BCL2A1: variants seen among roughly 807,000 people sequenced by gnomAD.
The protein encoded by BCL2A1 is bcl-2-related protein A1.
A neutral mutation model predicts 14.4 loss-of-function variants in BCL2A1; 10 were observed. The observed-to-expected ratio is 0.69, with a 90% CI of 0.43 to 1.18. The LOEUF (loss-of-function observed/expected upper bound fraction) is 1.18. Ranked by LOEUF, BCL2A1 falls within the 50% of genes most tolerant of loss-of-function variation. BCL2A1 has a pLI of 0.00. For missense variants in BCL2A1, 158 were observed against 205.0 expected (o/e 0.77, Z 1.40); for synonymous variants, 71 against 76.5 (o/e 0.93, Z 0.38).
chr15:79,968,387 C>T (rs1197894750), intron 1 of BCL2A1, among the ~76,000 whole-genome samples: 1 of 152,124 alleles, frequency 6.6e-6, no homozygotes, highest in Non-Finnish European at 1.5e-5. Context: ...CGGAAGAAAA[C>T]ATGACAAAAC....
chr15:79,963,196 G>A (rs912174924), intron 1 of BCL2A1, among the ~76,000 whole-genome samples: 2 of 151,902 alleles, frequency 1.3e-5, no homozygotes, highest in Admixed American at 1.3e-4. Flanking sequence ...CACCATGTTG[G>A]CCAGGATAGT....
At chr15:79,965,313 G>C (rs1030802001) in intron 1 of BCL2A1, among the ~76,000 whole-genome samples, 1 of 152,010 alleles carries the variant, frequency 6.6e-6, no homozygotes, top group African/African-American at 2.4e-5. Flanking sequence ...ATTTTTAGTA[G>C]AGACGGGGTT....
Position 79,960,961 on chromosome 15 carries a change from A to G in BCL2A1, c.*106T>C, listed in dbSNP as rs1249645076. ...TTCCATAACTCTGGAAGGTCAAGTT[A>G]CATCATCAAAGTTGTTTATTTAAAA... On this transcript the variant is annotated 3_prime_UTR_variant, in exon 2 of 2. Coordinates refer to ENST00000267953, the MANE Select transcript of BCL2A1 (RefSeq NM_004049.4). 1 of 1,539,804 alleles carries G rather than the reference A, an allele frequency of 6.5e-7. No individual in the cohort carries two copies. Among genetic ancestry groups the G allele is most frequent in the Non-Finnish European group, 8.9e-7 (1 of 1,122,794 alleles).
chr15:79,968,498 T>C (rs991486920), intron 1 of BCL2A1, among the ~76,000 whole-genome samples: 41 of 152,202 alleles, frequency 2.7e-4, no homozygotes, highest in African/African-American at 9.7e-4. Flanking sequence ...GTAAGCTCTA[T>C]CATGCAGGAA....
At chr15:79,966,718 C>T (rs892002546) in intron 1 of BCL2A1, among the ~76,000 whole-genome samples, 12 of 150,888 alleles carry the variant, frequency 8.0e-5, no homozygotes, top group Non-Finnish European at 1.8e-4. Flanking sequence ...CTCAGCACTT[C>T]CAATTAGGAG....
intron 1 of BCL2A1, among the ~76,000 whole-genome samples, chr15:79,966,727 A>T (rs529963897): frequency 4.6e-5 from 7 of 150,676 alleles, no homozygotes; most frequent in Non-Finnish European, 1.0e-4. Context: ...TCCAATTAGG[A>T]GAGCGGACAG....
chr15:79,966,545 G>C (rs1408567581), intron 1 of BCL2A1, among the ~76,000 whole-genome samples: 1 of 152,178 alleles, frequency 6.6e-6, no homozygotes, highest in Non-Finnish European at 1.5e-5. Context: ...GAGGAAGTAA[G>C]AAGACCCATC....
rs537772709 is a variant in BCL2A1 at position 79,970,057 on chromosome 15, C to A, written c.420+643G>T. 1.1e-4 allele frequency among the ~76,000 whole-genome samples: 16 copies of A among 151,950 alleles called. No homozygotes were observed. The South Asian group carries it at 3.1e-3, about 30-fold the overall frequency. Reference sequence around the variant, plus strand: ...TAAAGTAAATTTTTATTTGAAAATTCTTGAATAAAGGTTCTTGCTGGTCAT... The same window carrying A: ...TAAAGTAAATTTTTATTTGAAAATTATTGAATAAAGGTTCTTGCTGGTCAT... On this transcript the variant is annotated intron_variant, in intron 1 of 1. Transcript: ENST00000267953.
chr15:79,964,186 C>G (rs2035516177), intron 1 of BCL2A1, among the ~76,000 whole-genome samples: 1 of 152,070 alleles, frequency 6.6e-6, no homozygotes, highest in Non-Finnish European at 1.5e-5. Flanking sequence ...ATAGTTCAGG[C>G]CTTATTATTT....
intron 1 of BCL2A1, among the ~76,000 whole-genome samples, chr15:79,965,960 G>GAA (rs398057861): frequency 4.3e-5 from 4 of 93,572 alleles, no homozygotes; most frequent in Middle Eastern, 5.2e-3. Flanking sequence ...GGATGACAAA[G>GAA]AAAAAAAAAA....
Position 79,960,906 on chromosome 15 carries a change from T to A in BCL2A1, c.*161A>T. 1 of 1,197,444 alleles carries A rather than the reference T, an allele frequency of 8.4e-7. No homozygotes were observed. The highest frequency in any genetic ancestry group is 1.2e-6 in the Non-Finnish European group (1 of 846,464). The allele number at this position is 1,197,444 out of a possible 1,614,324, so 74.2% of individuals were successfully genotyped here. ...AAAATGGCATATAGAGAAAAATACATACAATTTATTCATTACATGGGGACA... is the reference window on the plus strand; with the variant it reads ...AAAATGGCATATAGAGAAAAATACAAACAATTTATTCATTACATGGGGACA... On this transcript the variant is annotated 3_prime_UTR_variant, in exon 2 of 2. Transcript: ENST00000267953.
intron 1 of BCL2A1, among the ~76,000 whole-genome samples, chr15:79,962,697 A>T (rs2035502413): frequency 6.6e-6 from 1 of 151,732 alleles, no homozygotes; most frequent in South Asian, 2.1e-4. Context: ...ACAGACGCGC[A>T]CCACCATGCC....
chr15:79,969,366 C>A (rs1056329371), intron 1 of BCL2A1, among the ~76,000 whole-genome samples: 1 of 152,070 alleles, frequency 6.6e-6, no homozygotes, highest in Non-Finnish European at 1.5e-5. Context: ...CCAACATCCA[C>A]CCTAGAAAAC....
chr15:79,964,446 G>A (rs2035518892), intron 1 of BCL2A1, among the ~76,000 whole-genome samples: 1 of 152,112 alleles, frequency 6.6e-6, no homozygotes, highest in South Asian at 2.1e-4. Context: ...TCCAGCCTGG[G>A]TGACAGCAAG....
Position 79,966,594 on chromosome 15 carries a change from G to A in BCL2A1, c.420+4106C>T, listed in dbSNP as rs116361676. Among the ~76,000 whole-genome samples the A allele has an allele frequency of 5.1e-3, 774 of 152,316 alleles. 8 individuals are homozygous for A. The highest frequency in any genetic ancestry group is 0.018 in the African/African-American group (753 of 41,564). ...AGGGTGATCCCAAGAGAAGAGACAT[G>A]AGTTTCATCTCATGAACATTCTAAT... On this transcript the variant is annotated intron_variant, in intron 1 of 1. Transcript: ENST00000267953.
At chr15:79,969,178 C>A (rs911957035) in intron 1 of BCL2A1, among the ~76,000 whole-genome samples, 1 of 151,982 alleles carries the variant, frequency 6.6e-6, no homozygotes, top group African/African-American at 2.4e-5. Context: ...TTTAGCCCAA[C>A]AAATTAAGAA....
intron 1 of BCL2A1, among the ~76,000 whole-genome samples, chr15:79,963,101 C>T (rs2035506879): frequency 6.6e-6 from 1 of 152,090 alleles, no homozygotes; most frequent in African/African-American, 2.4e-5. Flanking sequence ...TCTGCCTCTG[C>T]CTCAGCCTCC....
At chr15:79,966,451 A>T (rs191607230) in intron 1 of BCL2A1, among the ~76,000 whole-genome samples, 42 of 152,228 alleles carry the variant, frequency 2.8e-4, no homozygotes, top group Non-Finnish European at 3.2e-4. Context: ...TTAAGTAGAC[A>T]CAATTTCTCC....
intron 1 of BCL2A1, among the ~76,000 whole-genome samples, chr15:79,965,247 C>G (rs2035529515): frequency 1.3e-5 from 2 of 152,282 alleles, no homozygotes; most frequent in Admixed American, 6.5e-5. Context: ...CCTGCCTCAG[C>G]CTACCAAGTA....
Sources: gnomAD v4.1 joint callset for allele counts (sites outside exome capture counted in the v4.1 genomes callset) on GRCh38, gnomAD v4.1.1 for gene constraint, MANE v1.5 for transcripts, NCBI Gene and HGNC (gene_info 2026-07-23, HGNC 2026-07-21) for gene names.